RBMS3: variants seen among roughly 807,000 people sequenced by gnomAD.
RBMS3 encodes RNA-binding motif, single-stranded-interacting protein 3.
Under a neutral mutation model 66.8 loss-of-function variants are expected in RBMS3, and 27 were observed. The observed-to-expected ratio is 0.40, with a 90% CI of 0.30 to 0.56. RBMS3 has a LOEUF of 0.56. Among genes scored for constraint, RBMS3 ranks in the 20% least tolerant of loss-of-function variants. The probability of loss-of-function intolerance (pLI) is 0.40; values close to 1 mark genes in which losing one functional copy is unlikely to be tolerated. For missense variants in RBMS3, 513 were observed against 549.5 expected, an observed-to-expected ratio of 0.93 and a Z score of 0.66; for synonymous variants, 188 against 183.0, an observed-to-expected ratio of 1.03 and a Z score of -0.22.
intron 6 of RBMS3, among the ~76,000 whole-genome samples, chr3:29,837,242 C>T (rs568992193): frequency 6.6e-6 from 1 of 151,868 alleles, no homozygotes; most frequent in African/African-American, 2.4e-5. Context: ...TATACCTATA[C>T]TTTAGTGAGC....
At chr3:29,788,433 T>C (rs1175689273) in intron 6 of RBMS3, among the ~76,000 whole-genome samples, 1 of 151,960 alleles carries the variant, frequency 6.6e-6, no homozygotes. Context: ...CATTGTGTTA[T>C]CCAGGATTGT....
intron 1 of RBMS3, among the ~76,000 whole-genome samples, chr3:29,309,479 G>A (rs2034236163): frequency 2.0e-5 from 3 of 151,674 alleles, no homozygotes; most frequent in Admixed American, 6.6e-5. Flanking sequence ...TAACTTATAA[G>A]GTGGGCACTA....
chr3:29,400,366 G>T (rs1208689802), intron 1 of RBMS3, among the ~76,000 whole-genome samples: 1 of 152,028 alleles, frequency 6.6e-6, no homozygotes, highest in African/African-American at 2.4e-5. Context: ...GATGGCTAGA[G>T]TAGTCAAATT....
intron 12 of RBMS3, among the ~76,000 whole-genome samples, chr3:29,947,244 A>G (rs1695386356): frequency 6.6e-6 from 1 of 151,556 alleles, no homozygotes; most frequent in African/African-American, 2.4e-5. Flanking sequence ...GGTGAAAGTG[A>G]CAGAAGTTAA....
intron 4 of RBMS3, among the ~76,000 whole-genome samples, chr3:29,592,295 G>T (rs2047768408): frequency 6.6e-6 from 1 of 151,808 alleles, no homozygotes; most frequent in Admixed American, 6.6e-5. Flanking sequence ...TTAAGGAAGG[G>T]TGTATAATTT....
intron 11 of RBMS3, among the ~76,000 whole-genome samples, chr3:29,937,521 G>A (rs932187306): frequency 2.0e-5 from 3 of 151,894 alleles, no homozygotes; most frequent in Non-Finnish European, 2.9e-5. Flanking sequence ...ATAATTTAAT[G>A]GAAAGAGCCA....
chr3:29,712,912 C>A (rs2053235848), intron 4 of RBMS3, among the ~76,000 whole-genome samples: 1 of 152,136 alleles, frequency 6.6e-6, no homozygotes, highest in South Asian at 2.1e-4. Context: ...ATATCCTGCA[C>A]TTCTTTGTTT....
At chr3:29,941,691 G>A (rs997403683) in intron 11 of RBMS3, among the ~76,000 whole-genome samples, 16 of 151,396 alleles carry the variant, frequency 1.1e-4, no homozygotes, top group Non-Finnish European at 2.1e-4. Context: ...ATAAATTACC[G>A]ACATAGTAAA....
intron 6 of RBMS3, among the ~76,000 whole-genome samples, chr3:29,777,352 G>T (rs2056462658): frequency 6.6e-6 from 1 of 151,848 alleles, no homozygotes; most frequent in South Asian, 2.1e-4. Context: ...CCTACCATTT[G>T]AACATACGAT....
chr3:29,510,485 C>G (rs2044352628), intron 3 of RBMS3, among the ~76,000 whole-genome samples: 1 of 152,132 alleles, frequency 6.6e-6, no homozygotes, highest in Admixed American at 6.6e-5. Context: ...TTTCTATTGC[C>G]TATGTCAAAT....
Position 29,852,563 on chromosome 3 carries a change from C to G in RBMS3, c.638-16295C>G, listed in dbSNP as rs188491177. Among the ~76,000 whole-genome samples, 8 of 152,252 alleles carry G rather than the reference C, an allele frequency of 5.3e-5. 1 individual carries two copies. Among genetic ancestry groups the G allele is most frequent in the Middle Eastern group, 6.8e-3 (2 of 294 alleles). ...GCCAATTCAAACATATGAAAAAAAG[C>G]TCATCATCACTGATCTTTAGAGAAA... On this transcript the variant is annotated intron_variant, in intron 6 of 14. Transcript: ENST00000383767.
chr3:29,881,380 C>T (rs1331388382), intron 7 of RBMS3, among the ~76,000 whole-genome samples: 3 of 152,198 alleles, frequency 2.0e-5, no homozygotes, highest in South Asian at 4.2e-4. Flanking sequence ...CTGTGCTGGG[C>T]GCTTTACAAA....
intron 1 of RBMS3, among the ~76,000 whole-genome samples, chr3:29,359,623 T>G (rs891569251): frequency 6.6e-6 from 1 of 152,120 alleles, no homozygotes; most frequent in Non-Finnish European, 1.5e-5. Context: ...AAGGAATGGT[T>G]CCAGCTCCTT....
intron 4 of RBMS3, among the ~76,000 whole-genome samples, chr3:29,662,347 GA>G (rs2050584864): frequency 6.6e-6 from 1 of 152,124 alleles, no homozygotes; most frequent in African/African-American, 2.4e-5. Flanking sequence ...TGAAAAGGGG[GA>G]AAGGGCATTA....
intron 6 of RBMS3, among the ~76,000 whole-genome samples, chr3:29,864,896 A>C (rs116051934): frequency 0.015 from 2,134 of 138,422 alleles, 28 homozygotes; most frequent in Non-Finnish European, 0.026. Context: ...GAAGGAGGGA[A>C]GGAAGGAGGA....
chr3:29,863,214 T>C (rs2059261660), intron 6 of RBMS3, among the ~76,000 whole-genome samples: 1 of 150,866 alleles, frequency 6.6e-6, no homozygotes, highest in Admixed American at 6.6e-5. Flanking sequence ...CCGGAGCCTG[T>C]TGTGGGGTGG....
At chr3:29,487,692 C>A (rs1199006362) in intron 2 of RBMS3, among the ~76,000 whole-genome samples, 1 of 151,968 alleles carries the variant, frequency 6.6e-6, no homozygotes, top group Non-Finnish European at 1.5e-5. Context: ...TTTACCTTCA[C>A]AAAAAGCCTA....
At chr3:29,879,809 A>T (rs953630285) in intron 7 of RBMS3, among the ~76,000 whole-genome samples, 8 of 152,018 alleles carry the variant, frequency 5.3e-5, no homozygotes, top group African/African-American at 9.7e-5. Context: ...TAAAAAAAAA[A>T]AATAATTCAG....
intron 10 of RBMS3, 68 bp from the exon 11 acceptor site, chr3:29,936,018 T>C: frequency 8.1e-7 from 1 of 1,237,274 alleles, no homozygotes; most frequent in Non-Finnish European, 1.2e-6. Flanking sequence ...CAATTTACAG[T>C]GTTTATTTGT....
Sources: allele counts gnomAD v4.1 joint callset (sites outside exome capture counted in the v4.1 genomes callset), GRCh38; gene constraint gnomAD v4.1.1; transcripts MANE v1.5; gene names NCBI Gene and HGNC (gene_info 2026-07-23, HGNC 2026-07-21).